Variants in MYO1D observed in about 807,000 individuals in gnomAD.
MYO1D encodes myosin ID.
Under a neutral mutation model 122.0 loss-of-function variants are expected in MYO1D, and 83 were observed. The ratio of observed to expected loss-of-function variants is 0.68; its 90% CI spans 0.57 to 0.82. The LOEUF is 0.82. Among genes scored for constraint, MYO1D ranks in the 40% least tolerant of loss-of-function variants. The probability of loss-of-function intolerance (pLI) is 0.00; values close to 1 mark genes in which losing one functional copy is unlikely to be tolerated. For synonymous variants in MYO1D, 464 were observed against 446.9 expected (o/e 1.04, Z -0.48); for missense variants, 1,157 against 1,269.5 (o/e 0.91, Z 1.35).
At chr17:32,816,781 A>C (rs192782280) in intron 1 of MYO1D, among the ~76,000 whole-genome samples, 1 of 152,246 alleles carries the variant, frequency 6.6e-6, no homozygotes, top group African/African-American at 2.4e-5. Context: ...TGGATGTAGC[A>C]TAAGTATGAG....
chr17:32,865,608 T>C (rs2091116888), intron 1 of MYO1D, among the ~76,000 whole-genome samples: 1 of 152,032 alleles, frequency 6.6e-6, no homozygotes, highest in Non-Finnish European at 1.5e-5. Flanking sequence ...TGTTCAGGAG[T>C]AAACAATCTT....
At chr17:32,789,748 G>A (rs187237313) in intron 1 of MYO1D, among the ~76,000 whole-genome samples, 1 of 152,278 alleles carries the variant, frequency 6.6e-6, no homozygotes, top group East Asian at 1.9e-4. Context: ...GCAGAGACTA[G>A]AAGAAGAATG....
intron 21 of MYO1D, among the ~76,000 whole-genome samples, chr17:32,522,244 T>C (rs986944024): frequency 1.3e-5 from 2 of 152,310 alleles, no homozygotes; most frequent in Admixed American, 6.5e-5. Context: ...ATTCTCTTCA[T>C]GGATTATGAC....
At position 32,817,855 on chromosome 17, in the gene MYO1D, G is replaced by A. The variant is rs191388484; in HGVS notation, c.96-37071C>T. Reference sequence around the variant, plus strand: ...TTAAGAGGTAGTAGGGGCCGGGCGCGGTGGCTCACGCCTGTAATCCCAGCA... The same window carrying A: ...TTAAGAGGTAGTAGGGGCCGGGCGCAGTGGCTCACGCCTGTAATCCCAGCA... On this transcript the variant is annotated intron_variant, in intron 1 of 21. Coordinates refer to ENST00000318217, the MANE Select transcript of MYO1D (RefSeq NM_015194.3). 1.9e-3 allele frequency among the ~76,000 whole-genome samples: 289 copies of A among 152,042 alleles called. 1 individual carries two copies. The highest frequency in any genetic ancestry group is 6.4e-3 in the African/African-American group (267 of 41,474).
intron 4 of MYO1D, among the ~76,000 whole-genome samples, chr17:32,774,173 G>A (rs1046074105): frequency 3.3e-5 from 5 of 152,126 alleles, no homozygotes; most frequent in African/African-American, 9.7e-5. Context: ...TTAAAGAGGC[G>A]GCTGGAGCTA....
At chr17:32,824,066 CAAA>C (rs58786179) in intron 1 of MYO1D, among the ~76,000 whole-genome samples, 1 of 92,528 alleles carries the variant, frequency 1.1e-5, no homozygotes, top group Non-Finnish European at 2.1e-5. Context: ...GACTCCGTCT[CAAA>C]AAAAAAAAAA....
At chr17:32,583,438 A>C (rs2087359806) in intron 21 of MYO1D, among the ~76,000 whole-genome samples, 1 of 152,168 alleles carries the variant, frequency 6.6e-6, no homozygotes, top group Admixed American at 6.5e-5. Flanking sequence ...GAAAAATTTC[A>C]GCCATTATTT....
intron 21 of MYO1D, among the ~76,000 whole-genome samples, chr17:32,539,976 A>T (rs564594438): frequency 6.6e-6 from 1 of 152,340 alleles, no homozygotes; most frequent in African/African-American, 2.4e-5. Context: ...CAAAAGCACA[A>T]GCAACAAAAG....
chr17:32,780,886 G>T, intron 1 of MYO1D, 102 bp from the exon 2 acceptor site: 1 of 1,160,308 alleles, frequency 8.6e-7, no homozygotes, highest in Non-Finnish European at 1.2e-6. Context: ...AAATATCCTA[G>T]GAATGATTTC....
chr17:32,538,987 A>G (rs900215942), intron 21 of MYO1D, among the ~76,000 whole-genome samples: 4 of 152,114 alleles, frequency 2.6e-5, no homozygotes, highest in Non-Finnish European at 5.9e-5. Context: ...AGTCAGGATA[A>G]ATAGCTAATG....
At chr17:32,607,143 G>A (rs2087638337) in intron 20 of MYO1D, among the ~76,000 whole-genome samples, 2 of 151,938 alleles carry the variant, frequency 1.3e-5, no homozygotes, top group South Asian at 4.1e-4. Flanking sequence ...CTGGGCAACA[G>A]AGCGAGACTC....
chr17:32,605,028 T>C (rs923748652), intron 21 of MYO1D, 59 bp downstream of exon 21: 36 of 1,450,924 alleles, frequency 2.5e-5, no homozygotes, highest in Non-Finnish European at 3.0e-5. Flanking sequence ...TCAGTGATAA[T>C]TACGATTAAA....
intron 11 of MYO1D, among the ~76,000 whole-genome samples, chr17:32,749,643 C>T (rs2089878379): frequency 6.6e-6 from 1 of 152,128 alleles, no homozygotes; most frequent in Admixed American, 6.5e-5. Flanking sequence ...GGGAGAATCA[C>T]CTGACCATGG....
chr17:32,874,304 C>CTCTCTCTCTCTCTGTCTCTG (rs6146033), intron 1 of MYO1D, among the ~76,000 whole-genome samples: 1 of 149,168 alleles, frequency 6.7e-6, no homozygotes, highest in East Asian at 2.0e-4. Context: ...GTCTCTGTCT[C>CTCTCTCTCTCTCTGTCTCTG]TCTCTCTCTC....
intron 12 of MYO1D, among the ~76,000 whole-genome samples, chr17:32,747,183 C>G (rs1180221849): frequency 6.6e-6 from 1 of 152,110 alleles, no homozygotes; most frequent in African/African-American, 2.4e-5. Context: ...TGATTTAAAT[C>G]AGGAACAGCT....
At chr17:32,630,272 C>G (rs1157079286) in intron 20 of MYO1D, among the ~76,000 whole-genome samples, 1 of 152,152 alleles carries the variant, frequency 6.6e-6, no homozygotes, top group African/African-American at 2.4e-5. Context: ...CTATTTTACC[C>G]AGGCTGGTCT....
At chr17:32,594,639 T>A (rs1385397209) in intron 21 of MYO1D, 15 of 586,834 alleles carry the variant, frequency 2.6e-5, no homozygotes, top group Non-Finnish European at 3.3e-5. Flanking sequence ...AATATCTATA[T>A]CTCTCTTACT....
intron 1 of MYO1D, among the ~76,000 whole-genome samples, chr17:32,858,246 G>A (rs2091043151): frequency 6.6e-6 from 1 of 152,114 alleles, no homozygotes; most frequent in Admixed American, 6.5e-5. Flanking sequence ...TGATGTCTAA[G>A]TAGCAGTTCC....
Position 32,617,399 on chromosome 17 carries a change from G to C in MYO1D, c.2710-12158C>G, listed in dbSNP as rs116036092. 4.0e-3 allele frequency among the ~76,000 whole-genome samples: 607 copies of C among 152,204 alleles called. 5 individuals are homozygous for C. The highest frequency in any genetic ancestry group is 0.014 in the African/African-American group (590 of 41,546). On this transcript the variant is annotated intron_variant, in intron 20 of 21. Coordinates refer to ENST00000318217, the MANE Select transcript of MYO1D (RefSeq NM_015194.3). Reference sequence around the variant, plus strand: ...TAGTCTTTAAGTCTTCCCAGCTAAGGCCTCAGATACTGCAGAGCAGAGAGA... The same window carrying C: ...TAGTCTTTAAGTCTTCCCAGCTAAGCCCTCAGATACTGCAGAGCAGAGAGA...
Sources: gnomAD v4.1 joint callset for allele counts (sites outside exome capture counted in the v4.1 genomes callset) on GRCh38, gnomAD v4.1.1 for gene constraint, MANE v1.5 for transcripts, NCBI Gene and HGNC (gene_info 2026-07-23, HGNC 2026-07-21) for gene names.